CASK: variants seen among roughly 807,000 people sequenced by gnomAD.
CASK encodes the protein calcium/calmodulin dependent serine protein kinase, also known as peripheral plasma membrane protein CASK.
In CASK, 4 loss-of-function variants were observed where a neutral mutation model predicts 82.9. The ratio of observed to expected loss-of-function variants is 0.05; its 90% CI spans 0.02 to 0.11. The LOEUF (loss-of-function observed/expected upper bound fraction) is 0.11, where lower values mean the gene tolerates loss of function less well. CASK is among the 10% of genes least tolerant of loss of function. CASK has a pLI of 1.00. For synonymous variants in CASK, 259 were observed against 253.5 expected (o/e 1.02, Z -0.20); for missense variants, 358 against 720.9 (o/e 0.50, Z 5.76).
At chrX:41,563,814 A>T (rs1417842549) in intron 16 of CASK, among the ~76,000 whole-genome samples, 1 of 112,317 alleles carries the variant, frequency 8.9e-6, no homozygotes, top group Non-Finnish European at 1.9e-5. Flanking sequence ...TTAAAACTAA[A>T]AACCAAAACA....
intron 8 of CASK, among the ~76,000 whole-genome samples, chrX:41,638,745 G>A (rs370311971): frequency 2.7e-5 from 3 of 110,913 alleles, no homozygotes; most frequent in East Asian, 2.8e-4. Context: ...GGAGAATAGC[G>A]GGTCAGATCA....
At chrX:41,685,050 G>A (rs982405834) in intron 5 of CASK, among the ~76,000 whole-genome samples, 1 of 111,549 alleles carries the variant, frequency 9.0e-6, no homozygotes, top group African/African-American at 3.3e-5. Context: ...TAGAATCCTC[G>A]TACTTGTTCT....
intron 2 of CASK, among the ~76,000 whole-genome samples, chrX:41,828,511 A>G (rs765837759): frequency 8.9e-6 from 1 of 112,200 alleles, no homozygotes; most frequent in Admixed American, 9.5e-5. Context: ...AAATTGGTGA[A>G]GCTCCTCAGA....
At chrX:41,763,889 T>C (rs1050549330) in intron 3 of CASK, among the ~76,000 whole-genome samples, 2 of 111,678 alleles carry the variant, frequency 1.8e-5, no homozygotes, top group African/African-American at 3.3e-5. Context: ...TCACAGATAA[T>C]AGGCATAAAG....
At chrX:41,533,557 T>C (rs564277491) in intron 24 of CASK, among the ~76,000 whole-genome samples, 2 of 112,762 alleles carry the variant, frequency 1.8e-5, no homozygotes, top group South Asian at 7.3e-4. Context: ...GAAGGCCCTA[T>C]AGAATGGAGC....
rs147479498 is a variant in CASK, at chrX:41,582,593, G to A, written c.1315-4065C>T. ...CTCCCAGAATGCTGGGATTACAGGC[G>A]TGAGCCACCATGCCTGGCCTTATTT... On this transcript the variant is annotated intron_variant, in intron 14 of 26. Transcript: ENST00000378163. Among the ~76,000 whole-genome samples, 897 of 111,778 alleles carry A rather than the reference G, an allele frequency of 8.0e-3. 7 individuals are homozygous for A. Among genetic ancestry groups the A allele is most frequent in the African/African-American group, 0.028 (865 of 30,772 alleles).
At chrX:41,628,505 A>G (rs904951041) in intron 9 of CASK, among the ~76,000 whole-genome samples, 1 of 111,003 alleles carries the variant, frequency 9.0e-6, no homozygotes, top group African/African-American at 3.3e-5. Flanking sequence ...GGGTTTCACC[A>G]TGTTGCCCAG....
At chrX:41,905,855 T>A (rs759503866) in intron 1 of CASK, among the ~76,000 whole-genome samples, 1 of 113,026 alleles carries the variant, frequency 8.8e-6, no homozygotes, top group East Asian at 2.8e-4. Context: ...TTTAGATAGA[T>A]CAAGTAAGCC....
Position 41,923,264 on chromosome X carries a change from G to A in CASK, c.-276C>T, listed in dbSNP as rs1282944633. On this transcript the variant is annotated 5_prime_UTR_variant, in exon 1 of 27. Coordinates refer to ENST00000378163, the MANE Select transcript of CASK (RefSeq NM_001367721.1). Reference sequence around the variant, plus strand: ...CGCCCGCTGCTTCTCGCGCTGCTCGGGCCGCGCTGCCCGGCGTGCGGATCC... The same window carrying A: ...CGCCCGCTGCTTCTCGCGCTGCTCGAGCCGCGCTGCCCGGCGTGCGGATCC... 1 of 106,717 alleles carries A rather than the reference G, an allele frequency of 9.4e-6. No individual in the cohort carries two copies. Among genetic ancestry groups the A allele is most frequent in the Non-Finnish European group, 2.0e-5 (1 of 51,026 alleles). The allele number at this position is 106,717 out of a possible 1,213,427, so 8.8% of individuals were successfully genotyped here.
intron 8 of CASK, among the ~76,000 whole-genome samples, chrX:41,649,544 T>C (rs1030423873): frequency 2.7e-5 from 3 of 110,225 alleles, no homozygotes; most frequent in African/African-American, 9.8e-5. Context: ...GGATGTTCAG[T>C]TTCCATGTAG....
At chrX:41,750,137 T>A (rs1173053087) in intron 3 of CASK, among the ~76,000 whole-genome samples, 2 of 112,091 alleles carry the variant, frequency 1.8e-5, no homozygotes, top group African/African-American at 6.5e-5. Flanking sequence ...AGCTATTTGA[T>A]TATTTATAAT....
At chrX:41,864,649 GAAATTGTCAATTA>G (rs1601918591) in intron 1 of CASK, among the ~76,000 whole-genome samples, 2 of 112,225 alleles carry the variant, frequency 1.8e-5, no homozygotes. Flanking sequence ...ATGTGGCATG[GAAATTGTCAATTA>G]AATTCTTATG....
At chrX:41,604,176 G>A (rs993659203) in intron 12 of CASK, among the ~76,000 whole-genome samples, 2 of 108,294 alleles carry the variant, frequency 1.8e-5, no homozygotes, top group East Asian at 2.9e-4. Flanking sequence ...GCACTCACAC[G>A]TGAAGAATTA....
chrX:41,758,200 C>T (rs925207737), intron 3 of CASK, among the ~76,000 whole-genome samples: 4 of 110,697 alleles, frequency 3.6e-5, no homozygotes, highest in African/African-American at 1.3e-4. Context: ...TTTGGGAGGC[C>T]CAGGCGGGCG....
chrX:41,840,685 C>T lies in CASK; in HGVS notation c.172+12430G>A, dbSNP rs2071018267. ...TTTTAGGGGAAAAACATCAGTTTCT[C>T]ACCATTAAGTAAGATGTTAGCTGTA... is the stretch of plus-strand genomic sequence containing the variant. On this transcript the variant is annotated intron_variant, in intron 2 of 26. Coordinates refer to ENST00000378163, the MANE Select transcript of CASK (RefSeq NM_001367721.1). Among the ~76,000 whole-genome samples the T allele has an allele frequency of 2.7e-5, 3 of 112,159 alleles. No individual in the cohort carries two copies. The South Asian group carries it at 1.1e-3, about 41-fold the overall frequency.
chrX:41,739,717 T>TA (rs981459578), intron 4 of CASK, among the ~76,000 whole-genome samples: 1 of 112,391 alleles, frequency 8.9e-6, no homozygotes, highest in African/African-American at 3.2e-5. Flanking sequence ...AGTTCATAAG[T>TA]AAATTTGCTT....
intron 9 of CASK, among the ~76,000 whole-genome samples, chrX:41,628,001 T>C (rs919772283): frequency 1.8e-5 from 2 of 110,756 alleles, no homozygotes; most frequent in Non-Finnish European, 3.8e-5. Context: ...TGAAACTCCG[T>C]CTCAAAAAAG....
intron 3 of CASK, among the ~76,000 whole-genome samples, chrX:41,781,144 T>C (rs1247660628): frequency 9.0e-6 from 1 of 111,724 alleles, no homozygotes; most frequent in African/African-American, 3.3e-5. Flanking sequence ...GGTCTCACTC[T>C]ATTGCCCAGG....
Position 41,555,645 on chromosome X carries a change from A to G in CASK, c.1807-10T>C, listed in dbSNP as rs1242917975. On this transcript the variant is annotated splice_polypyrimidine_tract_variant and intron_variant, in intron 19 of 26. Transcript: ENST00000378163. ...TAGTTGATGGCAAGTCCTGTAGAATAAAGCCAACCCAGGAGAAAAATTTTC... is the reference window on the plus strand; with the variant it reads ...TAGTTGATGGCAAGTCCTGTAGAATGAAGCCAACCCAGGAGAAAAATTTTC... 8.4e-7 allele frequency: 1 copy of G among 1,191,174 alleles called. No individual in the cohort carries two copies. Among genetic ancestry groups the G allele is most frequent in the African/African-American group, 1.7e-5 (1 of 57,505 alleles).
Sources: allele counts gnomAD v4.1 joint callset (sites outside exome capture counted in the v4.1 genomes callset), GRCh38; gene constraint gnomAD v4.1.1; transcripts MANE v1.5; gene names NCBI Gene and HGNC (gene_info 2026-07-23, HGNC 2026-07-21).